Variants in ZNF484 observed in about 807,000 individuals in gnomAD.
ZNF484 encodes KRAB box containing C2H2 type zinc finger bA526D8.4.
In ZNF484, 11 loss-of-function variants were observed where a neutral mutation model predicts 12.9. The observed-to-expected ratio is 0.85, with a 90% confidence interval of 0.54 to 1.41. ZNF484 has a LOEUF of 1.41. Ranked by LOEUF, ZNF484 falls within the 40% of genes most tolerant of loss-of-function variation. The pLI is 0.00. For missense variants in ZNF484, 807 were observed against 1,007.7 expected, an observed-to-expected ratio of 0.80 and a Z score of 2.70; for synonymous variants, 289 against 334.1, an observed-to-expected ratio of 0.86 and a Z score of 1.47.
At chr9:92,855,286 A>G (rs948709698) in intron 4 of ZNF484, among the ~76,000 whole-genome samples, 1 of 152,200 alleles carries the variant, frequency 6.6e-6, no homozygotes, top group African/African-American at 2.4e-5. Context: ...CTCAAAGTCA[A>G]CAATCAGAGA....
intron 2 of ZNF484, among the ~76,000 whole-genome samples, chr9:92,865,927 T>G (rs911577918): frequency 6.6e-6 from 1 of 152,134 alleles, no homozygotes; most frequent in Non-Finnish European, 1.5e-5. Context: ...TAGAAATAAC[T>G]TCTGAAAGAA....
chr9:92,856,223 C>G lies in ZNF484; in HGVS notation c.111G>C (p.Met37Ile), dbSNP rs1260061039. 1.2e-6 allele frequency: 2 copies of G among 1,613,862 alleles called. No homozygotes were observed. Among genetic ancestry groups the G allele is most frequent in the Non-Finnish European group, 1.7e-6 (2 of 1,179,968 alleles). Residue 37 changes from methionine to isoleucine, a missense_variant, in exon 3 of 5, where the codon ATG becomes ATC. Met to Ile is a conservative substitution (Grantham distance 10, BLOSUM62 1). Coordinates refer to ENST00000375495, the MANE Select transcript of ZNF484 (RefSeq NM_031486.4). The stretch of plus-strand genomic sequence containing the variant: ...AGATCAAGTTGAAATAGTTTTCCAG[C>G]ATCACTTCTCTGTACAGGCTTTTCT... ...LAQKSLYREV[M>I]LENYFNLISV...
chr9:92,852,033 A>G (rs1856121878), intron 4 of ZNF484, among the ~76,000 whole-genome samples: 1 of 152,240 alleles, frequency 6.6e-6, no homozygotes, highest in South Asian at 2.1e-4. Flanking sequence ...AATTGCTCCT[A>G]AAAGAAAAAT....
At chr9:92,865,617 T>G (rs1396170337) in intron 2 of ZNF484, among the ~76,000 whole-genome samples, 1 of 151,998 alleles carries the variant, frequency 6.6e-6, no homozygotes, top group Non-Finnish European at 1.5e-5. Flanking sequence ...ATACTAAAGT[T>G]GGAGAGGGGC....
chr9:92,872,771 T>TAA (rs56991443), intron 2 of ZNF484, among the ~76,000 whole-genome samples: 4,961 of 148,680 alleles, frequency 0.033, 157 homozygotes, highest in African/African-American at 0.085. Flanking sequence ...TATAGAACTG[T>TAA]AAAAAAAAAA....
At chr9:92,859,824 T>C (rs1856674158) in intron 2 of ZNF484, among the ~76,000 whole-genome samples, 1 of 152,136 alleles carries the variant, frequency 6.6e-6, no homozygotes, top group African/African-American at 2.4e-5. Context: ...AGGATACAGA[T>C]CAAAATCAGC....
rs117187942 is a variant in ZNF484, at chr9:92,857,376, G to A, written c.16-1058C>T. 5.8e-3 allele frequency among the ~76,000 whole-genome samples: 884 copies of A among 152,232 alleles called. 5 individuals are homozygous for A. The highest frequency in any genetic ancestry group is 9.7e-3 in the Non-Finnish European group (661 of 68,014). On this transcript the variant is annotated intron_variant, in intron 2 of 4. Coordinates refer to ENST00000375495, the MANE Select transcript of ZNF484 (RefSeq NM_031486.4). ...CATTTTGTCCTGTCTACTGGAGAAT[G>A]CAGTAGAAGGCTGCAGCTGGGTGAC...
chr9:92,850,644 C>A (rs62572368), intron 4 of ZNF484, among the ~76,000 whole-genome samples: 7 of 152,098 alleles, frequency 4.6e-5, no homozygotes, highest in Non-Finnish European at 1.5e-5. Flanking sequence ...AGTGCAATGG[C>A]GCGATCTCGG....
chr9:92,872,939 A>G (rs1281425323), intron 2 of ZNF484, among the ~76,000 whole-genome samples: 2 of 152,200 alleles, frequency 1.3e-5, no homozygotes, highest in African/African-American at 4.8e-5. Flanking sequence ...CTATCAACTT[A>G]GAATTTTGGA....
chr9:92,855,953 A>C (rs983439494), intron 3 of ZNF484, 50 bp from the exon 4 acceptor site: 5 of 1,592,758 alleles, frequency 3.1e-6, no homozygotes, highest in Non-Finnish European at 4.3e-6. Context: ...CATACAATGA[A>C]GCATTCCATT....
intron 2 of ZNF484, among the ~76,000 whole-genome samples, chr9:92,868,072 C>A (rs1011816017): frequency 1.3e-5 from 2 of 152,168 alleles, no homozygotes; most frequent in Non-Finnish European, 2.9e-5. Flanking sequence ...GGCCTTAAAA[C>A]AACACAAACT....
rs1855482335 is a variant in ZNF484, at chr9:92,844,539, A to T, written c.*1689T>A. 6.6e-6 allele frequency among the ~76,000 whole-genome samples: 1 copy of T among 152,222 alleles called. No homozygotes were observed. The highest frequency in any genetic ancestry group is 2.4e-5 in the African/African-American group (1 of 41,448). ...TATCAATGTGCAACAGTTAAAAAAC[A>T]AAGACAAATAGATAAATTTCAAAGG... On this transcript the variant is annotated 3_prime_UTR_variant, in exon 5 of 5. Coordinates refer to ENST00000375495, the MANE Select transcript of ZNF484 (RefSeq NM_031486.4).
chr9:92,863,894 G>A (rs1048334741), intron 2 of ZNF484, among the ~76,000 whole-genome samples: 4 of 152,174 alleles, frequency 2.6e-5, no homozygotes, highest in Admixed American at 2.6e-4. Context: ...GACTGCTTGA[G>A]AGGACACCTG....
At chr9:92,857,197 A>C (rs929358309) in intron 2 of ZNF484, among the ~76,000 whole-genome samples, 2 of 152,222 alleles carry the variant, frequency 1.3e-5, no homozygotes, top group African/African-American at 4.8e-5. Flanking sequence ...AGCACTGGAA[A>C]GCTGCTGAGG....
rs780434918 is a variant in ZNF484 at position 92,844,413 on chromosome 9, G to A, written c.*1815C>T. Among the ~76,000 whole-genome samples the A allele has an allele frequency of 7.2e-5, 11 of 152,024 alleles. No homozygotes were observed. Among genetic ancestry groups the A allele is most frequent in the Admixed American group, 3.9e-4 (6 of 15,256 alleles). On this transcript the variant is annotated 3_prime_UTR_variant, in exon 5 of 5. Coordinates refer to ENST00000375495, the MANE Select transcript of ZNF484 (RefSeq NM_031486.4). Reference sequence around the variant, plus strand: ...AATGCACATGTGCACACACGTACACGCACACGTGCACACACACACCCCAAA... The same window carrying A: ...AATGCACATGTGCACACACGTACACACACACGTGCACACACACACCCCAAA...
intron 2 of ZNF484, among the ~76,000 whole-genome samples, chr9:92,866,720 AG>A (rs1389051105): frequency 2.0e-5 from 3 of 152,240 alleles, no homozygotes; most frequent in Admixed American, 6.5e-5. Context: ...TATTTACAAT[AG>A]CAAAGACACA....
intron 1 of ZNF484, among the ~76,000 whole-genome samples, chr9:92,877,050 A>C (rs1366749442): frequency 6.6e-6 from 1 of 152,190 alleles, no homozygotes; most frequent in African/African-American, 2.4e-5. Flanking sequence ...AAAAACAGCT[A>C]AAACATACTT....
chr9:92,847,467 A>G lies in ZNF484; in HGVS notation c.1320T>C (p.Tyr440=), dbSNP rs1038312762. 5 of 1,612,598 alleles carry G rather than the reference A, an allele frequency of 3.1e-6. No homozygotes were observed. Among genetic ancestry groups the G allele is most frequent in the South Asian group, 1.1e-5 (1 of 90,626 alleles). ...HERIHTGEKP[Y]ECSDCGKSFI... is the part of the protein sequence containing the mutation. ...AGGATTTCCCACAGTCACTGCATTC[A>G]TAGGGTTTTTCTCCAGTATGAATTC... Residue 440 remains tyrosine, a synonymous_variant, in exon 5 of 5, where the codon TAT becomes TAC. Coordinates refer to ENST00000375495, the MANE Select transcript of ZNF484 (RefSeq NM_031486.4).
chr9:92,854,292 T>C (rs184859617), intron 4 of ZNF484, among the ~76,000 whole-genome samples: 3 of 152,280 alleles, frequency 2.0e-5, no homozygotes, highest in Admixed American at 2.0e-4. Flanking sequence ...TGTGGGGAAC[T>C]AATACCCTTG....
Sources: allele counts gnomAD v4.1 joint callset (sites outside exome capture counted in the v4.1 genomes callset), GRCh38; gene constraint gnomAD v4.1.1; transcripts MANE v1.5; gene names NCBI Gene and HGNC (gene_info 2026-07-23, HGNC 2026-07-21).